The following SIN3A variants were observed in gnomAD, a reference collection of about 807,000 sequenced individuals.
SIN3A encodes paired amphipathic helix protein Sin3a.
In SIN3A, 14 loss-of-function variants were observed where a neutral mutation model predicts 146.1. The ratio of observed to expected loss-of-function variants is 0.10; its 90% CI spans 0.06 to 0.15. The LOEUF is 0.15. Ranked by LOEUF, SIN3A falls within the 10% of genes least tolerant of loss-of-function variation. SIN3A has a pLI of 1.00. For missense variants in SIN3A, 1,028 were observed against 1,576.0 expected, an observed-to-expected ratio of 0.65 and a Z score of 5.89; for synonymous variants, 572 against 572.0, an observed-to-expected ratio of 1.00 and a Z score of 0.00.
chr15:75,444,790 T>C (rs1251976113), intron 1 of SIN3A, among the ~76,000 whole-genome samples: 2 of 152,254 alleles, frequency 1.3e-5, no homozygotes, highest in African/African-American at 4.8e-5. Context: ...TTGTTATCAA[T>C]GTTGATTTTC....
intron 9 of SIN3A, among the ~76,000 whole-genome samples, chr15:75,406,667 G>C (rs1304471930): frequency 6.6e-6 from 1 of 151,938 alleles, no homozygotes; most frequent in Admixed American, 6.6e-5. Context: ...CAGCCTGGGC[G>C]ACAGCGAGAC....
At chr15:75,372,630 T>C (rs1045441771) in intron 20 of SIN3A, among the ~76,000 whole-genome samples, 3 of 152,008 alleles carry the variant, frequency 2.0e-5, no homozygotes, top group Admixed American at 1.3e-4. Flanking sequence ...GAGACCAGCC[T>C]GGGCAACATG....
intron 3 of SIN3A, chr15:75,421,903 C>T (rs988813186): frequency 1.3e-5 from 2 of 152,170 alleles, no homozygotes; most frequent in Admixed American, 6.6e-5. Context: ...GCACTGAAAA[C>T]GTACCACACA....
intron 1 of SIN3A, among the ~76,000 whole-genome samples, chr15:75,438,023 C>T (rs996230638): frequency 2.0e-5 from 3 of 151,620 alleles, no homozygotes; most frequent in Non-Finnish European, 4.4e-5. Flanking sequence ...CAAATACACA[C>T]ACACAAAAAA....
intron 17 of SIN3A, 69 bp from the exon 18 acceptor site, chr15:75,381,774 T>G: frequency 2.3e-6 from 3 of 1,299,278 alleles, no homozygotes; most frequent in Non-Finnish European, 2.2e-6. Flanking sequence ...TCTCAAGGAA[T>G]GAGAGGTGCA....
intron 3 of SIN3A, chr15:75,416,134 T>G (rs1338698592): frequency 1.1e-5 from 2 of 179,802 alleles, no homozygotes. Context: ...TTTATAAAAA[T>G]GCAGAATTTT....
chr15:75,442,272 T>C (rs1191883190), intron 1 of SIN3A, among the ~76,000 whole-genome samples: 1 of 151,716 alleles, frequency 6.6e-6, no homozygotes, highest in African/African-American at 2.4e-5. Context: ...TACAAATATC[T>C]TGAAAGATGA....
intron 6 of SIN3A, among the ~76,000 whole-genome samples, 170 bp downstream of exon 6, chr15:75,411,322 C>T (rs1416972648): frequency 1.3e-5 from 2 of 152,076 alleles, no homozygotes; most frequent in Non-Finnish European, 1.5e-5. Flanking sequence ...TGCAAGACTC[C>T]GTCTCGAAAA....
At chr15:75,395,453 C>T (rs1194768644) in intron 13 of SIN3A, among the ~76,000 whole-genome samples, 1 of 152,226 alleles carries the variant, frequency 6.6e-6, no homozygotes, top group African/African-American at 2.4e-5. Context: ...GAGAAGAAAC[C>T]ATCAATCTGT....
chr15:75,396,240 G>T lies in SIN3A; in HGVS notation c.2093+18C>A. On this transcript the variant is annotated intron_variant, in intron 13 of 20. Transcript: ENST00000394947. Reference sequence around the variant, plus strand: ...AGTGAAGTACACTAAAGCACTAAGGGCACATTTGCTCATGTACCTTTTAAG... The same window carrying T: ...AGTGAAGTACACTAAAGCACTAAGGTCACATTTGCTCATGTACCTTTTAAG... The T allele has an allele frequency of 1.3e-6, 2 of 1,550,028 alleles. No individual in the cohort carries two copies. Among genetic ancestry groups the T allele is most frequent in the Non-Finnish European group, 1.8e-6 (2 of 1,122,728 alleles).
chr15:75,386,243 A>T (rs1203999019), intron 16 of SIN3A, among the ~76,000 whole-genome samples: 1 of 152,054 alleles, frequency 6.6e-6, no homozygotes, highest in Non-Finnish European at 1.5e-5. Context: ...GCCCAGTCTG[A>T]TCTCAAACTT....
At chr15:75,430,021 T>G in intron 2 of SIN3A, 166 bp downstream of exon 2, 1 of 610,230 alleles carries the variant, frequency 1.6e-6, no homozygotes, top group Non-Finnish European at 2.8e-6. Context: ...ATGACAACAT[T>G]CTTTTTTTAA....
chr15:75,421,394 G>A (rs2073838148), intron 3 of SIN3A: 1 of 152,144 alleles, frequency 6.6e-6, no homozygotes, highest in African/African-American at 2.4e-5. Context: ...CTCTTTAAAA[G>A]GCTATGCATT....
chr15:75,401,434 C>T (rs1039766363), intron 10 of SIN3A, among the ~76,000 whole-genome samples: 5 of 151,514 alleles, frequency 3.3e-5, no homozygotes, highest in East Asian at 1.9e-4. Context: ...CTTGGGGGGC[C>T]GAGGCAGGAG....
At chr15:75,406,242 C>G (rs976706813) in intron 9 of SIN3A, among the ~76,000 whole-genome samples, 2 of 152,184 alleles carry the variant, frequency 1.3e-5, no homozygotes, top group Non-Finnish European at 2.9e-5. Context: ...TGTGGCCAAA[C>G]TAAGGCACCA....
chr15:75,419,455 T>A (rs1483012038), intron 3 of SIN3A: 1 of 152,170 alleles, frequency 6.6e-6, no homozygotes, highest in Admixed American at 6.5e-5. Flanking sequence ...AAAGCAATTA[T>A]GTGTGATATG....
At chr15:75,374,233 C>T (rs890662211) in intron 20 of SIN3A, among the ~76,000 whole-genome samples, 17 of 152,180 alleles carry the variant, frequency 1.1e-4, no homozygotes, top group Non-Finnish European at 2.1e-4. Flanking sequence ...TGGTGGCTCA[C>T]GCCTGTAATC....
Position 75,407,099 on chromosome 15 carries a change from C to A in SIN3A, c.1363G>T (p.Ala455Ser), listed in dbSNP as rs774088990. Residue 455 changes from alanine to serine, a missense_variant, in exon 9 of 21, where the codon GCC becomes TCC. Ala to Ser is a moderately conservative substitution (Grantham distance 99). Coordinates refer to ENST00000394947, the MANE Select transcript of SIN3A (RefSeq NM_001145358.2). ...TCTGTTCCACCACCATGTTTGCTGG[C>A]ATCTGCCATAGAAGAATCCTTCAGA... ...LNLKDSSMAD[A>S]SKHGGGTESL... 2 of 1,613,160 alleles carry A rather than the reference C, an allele frequency of 1.2e-6. No homozygotes were observed. The highest frequency in any genetic ancestry group is 4.5e-5 in the East Asian group (2 of 44,868).
chr15:75,396,231 G>T, intron 13 of SIN3A, 27 bp downstream of exon 13: 1 of 1,501,002 alleles, frequency 6.7e-7, no homozygotes, highest in Non-Finnish European at 9.3e-7. Flanking sequence ...GTACACTAAA[G>T]CACTAAGGGC....
Sources: allele counts gnomAD v4.1 joint callset (sites outside exome capture counted in the v4.1 genomes callset), GRCh38; gene constraint gnomAD v4.1.1; transcripts MANE v1.5; gene names NCBI Gene and HGNC (gene_info 2026-07-23, HGNC 2026-07-21).